Variants in TMEM38B observed in about 807,000 individuals in gnomAD.
TMEM38B encodes the protein transmembrane protein 38B, also known as trimeric intracellular cation channel type B.
Under a neutral mutation model 28.7 loss-of-function variants are expected in TMEM38B, and 24 were observed. That is an observed-to-expected ratio of 0.84 (90% CI 0.61 to 1.18). TMEM38B has a LOEUF of 1.18. Ranked by LOEUF, TMEM38B falls within the 50% of genes most tolerant of loss-of-function variation. The pLI is 0.00. For synonymous variants in TMEM38B, 131 were observed against 127.7 expected, an observed-to-expected ratio of 1.03 and a Z score of -0.17; for missense variants, 380 against 350.9, an observed-to-expected ratio of 1.08 and a Z score of -0.66.
chr9:105,713,368 G>A (rs1162664537), intron 2 of TMEM38B, among the ~76,000 whole-genome samples: 2 of 152,228 alleles, frequency 1.3e-5, no homozygotes, highest in African/African-American at 2.4e-5. Context: ...CAGGCTTGGA[G>A]GTGCCTGCTC....
intron 2 of TMEM38B, 149 bp downstream of exon 2, chr9:105,705,902 G>GTTTT (rs370270920): frequency 7.7e-5 from 38 of 493,992 alleles, no homozygotes; most frequent in Admixed American, 1.6e-4. Flanking sequence ...ATGCTAAGGG[G>GTTTT]TTTTTTTTTT....
At chr9:105,751,350 C>T (rs985957088) in intron 5 of TMEM38B, among the ~76,000 whole-genome samples, 9 of 152,172 alleles carry the variant, frequency 5.9e-5, no homozygotes, top group African/African-American at 1.7e-4. Flanking sequence ...CAGGGAACCA[C>T]GCTTTTCTCA....
At chr9:105,741,346 T>C (rs1837195700) in intron 4 of TMEM38B, among the ~76,000 whole-genome samples, 1 of 152,140 alleles carries the variant, frequency 6.6e-6, no homozygotes, top group Non-Finnish European at 1.5e-5. Context: ...TGGTGGAGGC[T>C]AGAGGAATTT....
chr9:105,711,913 A>G (rs1835918810), intron 2 of TMEM38B, among the ~76,000 whole-genome samples: 1 of 151,668 alleles, frequency 6.6e-6, no homozygotes, highest in Admixed American at 6.6e-5. Context: ...TTCCAATCCT[A>G]ACCCCCTTCT....
At chr9:105,717,030 T>G (rs372565687) in intron 2 of TMEM38B, among the ~76,000 whole-genome samples, 1 of 152,196 alleles carries the variant, frequency 6.6e-6, no homozygotes, top group African/African-American at 2.4e-5. Context: ...CTAACCCCCA[T>G]GTTGTTGAAG....
intron 4 of TMEM38B, among the ~76,000 whole-genome samples, chr9:105,744,704 T>A (rs954999235): frequency 2.0e-5 from 3 of 152,186 alleles, no homozygotes; most frequent in Non-Finnish European, 4.4e-5. Flanking sequence ...TCATTTAACA[T>A]TAGGTATATC....
intron 4 of TMEM38B, among the ~76,000 whole-genome samples, chr9:105,734,992 A>C (rs887099512): frequency 8.6e-5 from 13 of 150,618 alleles, no homozygotes; most frequent in Middle Eastern, 3.4e-3. Context: ...TATTTTGTAG[A>C]TCCTTTGTTC....
intron 5 of TMEM38B, chr9:105,758,487 G>C: frequency 7.8e-7 from 1 of 1,290,254 alleles, no homozygotes; most frequent in Non-Finnish European, 1.1e-6. Context: ...TTGGCTTTAT[G>C]ACCTATTAAG....
intron 2 of TMEM38B, chr9:105,710,462 C>G: frequency 7.0e-7 from 1 of 1,420,640 alleles, no homozygotes; most frequent in South Asian, 1.2e-5. Flanking sequence ...GCGTGAAGAA[C>G]TGTACATATT....
chr9:105,713,075 C>A (rs1297267337), intron 2 of TMEM38B, among the ~76,000 whole-genome samples: 1 of 152,226 alleles, frequency 6.6e-6, no homozygotes, highest in Non-Finnish European at 1.5e-5. Context: ...GAGCCCTGCC[C>A]CTTCCAAGTT....
intron 4 of TMEM38B, among the ~76,000 whole-genome samples, chr9:105,731,939 C>T (rs1836765848): frequency 6.6e-6 from 1 of 152,120 alleles, no homozygotes; most frequent in Admixed American, 6.6e-5. Flanking sequence ...TAAAAGTGTT[C>T]CTATTTCTCC....
intron 5 of TMEM38B, among the ~76,000 whole-genome samples, chr9:105,750,712 G>A (rs556102199): frequency 5.9e-5 from 9 of 152,208 alleles, no homozygotes; most frequent in Admixed American, 2.0e-4. Flanking sequence ...CTAAGAAACC[G>A]TTGCCAAATC....
rs1826695644 is a variant in TMEM38B, at chr9:105,775,472, C to T, written c.*1392C>T. ...TGGTTTAGAAGTACTCAAGTCACAT[C>T]ACATTCAAGTTAGAAGTTTTTTTTT... On this transcript the variant is annotated 3_prime_UTR_variant, in exon 6 of 6. Transcript: ENST00000374692. The T allele has an allele frequency of 6.6e-6, 1 of 151,982 alleles. No individual in the cohort carries two copies. Among genetic ancestry groups the T allele is most frequent in the Admixed American group, 6.6e-5 (1 of 15,256 alleles). 9.4% of individuals were successfully genotyped at this position (151,982 alleles called of 1,614,324 possible).
intron 5 of TMEM38B, chr9:105,749,036 A>G (rs1473862610): frequency 9.3e-6 from 12 of 1,290,544 alleles, no homozygotes; most frequent in Non-Finnish European, 1.2e-5. Flanking sequence ...GTGTCTTAGA[A>G]TGAAGTCACT....
chr9:105,769,112 C>G (rs961471297), intron 5 of TMEM38B, among the ~76,000 whole-genome samples: 1 of 152,016 alleles, frequency 6.6e-6, no homozygotes, highest in Non-Finnish European at 1.5e-5. Context: ...TATATAACAA[C>G]CTCTTAAAAA....
At chr9:105,737,748 A>C (rs1295971622) in intron 4 of TMEM38B, among the ~76,000 whole-genome samples, 2 of 152,154 alleles carry the variant, frequency 1.3e-5, no homozygotes, top group African/African-American at 4.8e-5. Context: ...AGACCAGTGC[A>C]CAGGTTCCCT....
intron 4 of TMEM38B, among the ~76,000 whole-genome samples, chr9:105,744,857 G>A (rs531252434): frequency 4.6e-5 from 7 of 152,148 alleles, no homozygotes; most frequent in African/African-American, 9.6e-5. Context: ...TGGTCCTTGC[G>A]ATAGTTTGCT....
rs182998565 is a variant in TMEM38B at position 105,709,176 on chromosome 9, C to T, written c.269+3423C>T. Among the ~76,000 whole-genome samples the T allele has an allele frequency of 2.6e-5, 4 of 152,158 alleles. No homozygotes were observed. In the East Asian group the frequency reaches 5.8e-4, roughly 22 times the overall value. ...ATAATCTAATTATAGCACCCAGTCTCGTTTATATCTAATGCAAAGTTAAAT... is the reference window on the plus strand; with the variant it reads ...ATAATCTAATTATAGCACCCAGTCTTGTTTATATCTAATGCAAAGTTAAAT... On this transcript the variant is annotated intron_variant, in intron 2 of 5. Transcript: ENST00000374692.
chr9:105,753,129 T>A (rs1280099503), intron 5 of TMEM38B, among the ~76,000 whole-genome samples: 1 of 151,704 alleles, frequency 6.6e-6, no homozygotes, highest in African/African-American at 2.4e-5. Context: ...GAAAAAATAA[T>A]GAAAAAGAAT....
Sources: gnomAD v4.1 joint callset for allele counts (sites outside exome capture counted in the v4.1 genomes callset) on GRCh38, gnomAD v4.1.1 for gene constraint, MANE v1.5 for transcripts, NCBI Gene and HGNC (gene_info 2026-07-23, HGNC 2026-07-21) for gene names.